The following DCUN1D4 variants were observed in gnomAD, a reference collection of about 807,000 sequenced individuals.
The protein encoded by DCUN1D4 is defective in cullin neddylation 1 domain containing 4, also known as DCN1-like protein 4.
DCUN1D4 carries 22 observed loss-of-function variants against 47.9 expected under a neutral mutation model. The ratio of observed to expected loss-of-function variants is 0.46; its 90% confidence interval spans 0.33 to 0.66. DCUN1D4 has a LOEUF of 0.66. Among genes scored for constraint, DCUN1D4 ranks in the 30% least tolerant of loss-of-function variants. The pLI, the probability that DCUN1D4 is intolerant of heterozygous loss-of-function variation, is 0.02. For synonymous variants in DCUN1D4, 121 were observed against 112.2 expected, an observed-to-expected ratio of 1.08 and a Z score of -0.50; for missense variants, 301 against 340.8, an observed-to-expected ratio of 0.88 and a Z score of 0.92.
chr4:51,846,310 G>A lies in DCUN1D4; in HGVS notation c.25+3043G>A, dbSNP rs931049709. Among the ~76,000 whole-genome samples, 33 of 152,120 alleles carry A rather than the reference G, an allele frequency of 2.2e-4. 1 individual carries two copies. The highest frequency in any genetic ancestry group is 1.8e-3 in the Admixed American group (28 of 15,274). ...TACACGTTATCCAGAATTTTTGACT[G>A]TTTTATATTAAGAAGGATTTTTAGG... On this transcript the variant is annotated intron_variant, in intron 1 of 10. Transcript: ENST00000334635.
In DCUN1D4 at chr4:51,914,438, T is replaced by C. The variant is rs142106847; in HGVS notation, c.*854T>C. On this transcript the variant is annotated 3_prime_UTR_variant, in exon 11 of 11. Transcript: ENST00000334635. ...TTTCTTTGCCACTCTAAGTAAAATTTATTTCACCTCCTCAATGAAAACCTC... is the reference window on the plus strand; with the variant it reads ...TTTCTTTGCCACTCTAAGTAAAATTCATTTCACCTCCTCAATGAAAACCTC... 29 of 152,644 alleles carry C rather than the reference T, an allele frequency of 1.9e-4. No homozygotes were observed. The highest frequency in any genetic ancestry group is 6.5e-4 in the African/African-American group (27 of 41,576). The allele number at this position is 152,644 out of a possible 1,614,324, so 9.5% of individuals were successfully genotyped here. A position where few individuals can be genotyped will look rare whatever the true frequency, so the allele number is the denominator to read the frequency against.
In DCUN1D4 at chr4:51,915,667, T is replaced by G. The variant is rs1165520445; in HGVS notation, c.*2083T>G. ...ATTTAAAGCAAATATAAATCATAGA[T>G]GAAGTTATTTTAAACACTATGTTAG... is the stretch of plus-strand genomic sequence containing the variant. On this transcript the variant is annotated 3_prime_UTR_variant, in exon 11 of 11. Coordinates refer to ENST00000334635, the MANE Select transcript of DCUN1D4 (RefSeq NM_001040402.3). 6.6e-6 allele frequency: 1 copy of G among 152,596 alleles called. No individual in the cohort carries two copies. 9.5% of individuals were successfully genotyped at this position (152,596 alleles called of 1,614,324 possible).
rs1220142390 is a variant in DCUN1D4, at chr4:51,913,402, G to A, written c.823+10G>A. 7 of 1,602,586 alleles carry A rather than the reference G, an allele frequency of 4.4e-6. No individual in the cohort carries two copies. Among genetic ancestry groups the A allele is most frequent in the African/African-American group, 2.7e-5 (2 of 74,744 alleles). On this transcript the variant is annotated intron_variant, in intron 10 of 10. Transcript: ENST00000334635. ...GATGAAGATGGAGCATGTAAGTACT[G>A]CCGCTACCATTCTGCCATTCGTGTA...
In DCUN1D4 at chr4:51,863,685, A is replaced by T; in HGVS notation, c.112A>T (p.Ile38Phe). The T allele has an allele frequency of 6.2e-7, 1 of 1,613,412 alleles. No individual in the cohort carries two copies. The change falls in exon 3 of 11, where the codon ATT becomes TTT. Residue 38 changes from isoleucine (I) to phenylalanine (F), a missense_variant. Ile to Phe is a conservative substitution (Grantham distance 21, BLOSUM62 0). Transcript: ENST00000334635. ...TLNKLNLTEDIGQDDHQTGSL... is the reference protein window; with the variant it reads ...TLNKLNLTEDFGQDDHQTGSL... ...TTTCTTTCAGAACCTAACAGAAGAC[A>T]TTGGCCAAGACGATCACCAAACAGG...
At position 51,891,755 on chromosome 4, in the gene DCUN1D4, A is replaced by C. The variant is rs1190043509; in HGVS notation, c.415-5A>C. On this transcript the variant is annotated splice_region_variant and splice_polypyrimidine_tract_variant and intron_variant, in intron 6 of 10. Transcript: ENST00000334635. Reference sequence around the variant, plus strand: ...TTTTTTTAATTGTGTATTTTTTTTTAACAGGTAGTTATGCTTGTCCTAGCT... The same window carrying C: ...TTTTTTTAATTGTGTATTTTTTTTTCACAGGTAGTTATGCTTGTCCTAGCT... 4 of 1,595,146 alleles carry C rather than the reference A, an allele frequency of 2.5e-6. No individual in the cohort carries two copies. The East Asian group carries it at 9.0e-5, about 36-fold the overall frequency.
chr4:51,865,702 TG>T (rs1577900934), intron 3 of DCUN1D4, among the ~76,000 whole-genome samples: 1 of 152,212 alleles, frequency 6.6e-6, no homozygotes, highest in African/African-American at 2.4e-5. Flanking sequence ...TGGTGCATTT[TG>T]GGGGCTGTTG....
chr4:51,895,559 TAAAAAAAAAAAA>T lies in DCUN1D4; in HGVS notation c.507-3693_507-3682del, dbSNP rs67542268. 9.4e-4 allele frequency among the ~76,000 whole-genome samples: 83 copies of T among 88,510 alleles called. 1 individual carries two copies. In the East Asian group the frequency reaches 0.02, roughly 22 times the overall value. The allele number at this position is 88,510 out of a possible 152,430, so 58.1% of individuals were successfully genotyped here. On this transcript the variant is annotated intron_variant, in intron 7 of 10. Coordinates refer to ENST00000334635, the MANE Select transcript of DCUN1D4 (RefSeq NM_001040402.3). ...TTAAGCTAATTGTGGTGCTTAAACT[TAAAAAAAAAAAA>T]AAAAAAAAAAAAAAAAACAGTGACA...
At chr4:51,891,478 T>C (rs1284669902) in intron 6 of DCUN1D4, among the ~76,000 whole-genome samples, 1 of 152,196 alleles carries the variant, frequency 6.6e-6, no homozygotes, top group Non-Finnish European at 1.5e-5. Flanking sequence ...ACATTTGATA[T>C]TGCCCTCTGG....
intron 1 of DCUN1D4, among the ~76,000 whole-genome samples, chr4:51,854,544 A>G (rs1160756615): frequency 6.6e-6 from 1 of 151,902 alleles, no homozygotes; most frequent in Non-Finnish European, 1.5e-5. Flanking sequence ...TAAAACCCAA[A>G]CTCCTTCAAA....
At position 51,877,810 on chromosome 4, in the gene DCUN1D4, C is replaced by A. The variant is rs775303174; in HGVS notation, c.299C>A (p.Ala100Asp). ...DSTRIKTEEE[A>D]FSSKRCLEWF... ...ACTAGAATAAAGACTGAAGAAGAAG[C>A]CTTTTCAAGTAAAAGGTGCTTGGAA... The change falls in exon 5 of 11, where the codon GCC becomes GAC. Residue 100 changes from alanine to aspartate, a missense_variant. Around this residue, in one of 2 missense-constraint regions of DCUN1D4, gnomAD observed 170 missense variants for 234.5 expected, o/e 0.73. Transcript: ENST00000334635. 6.2e-7 allele frequency: 1 copy of A among 1,612,056 alleles called. No homozygotes were observed.
Position 51,888,951 on chromosome 4 carries a change from A to G in DCUN1D4, c.414+2313A>G, listed in dbSNP as rs535116846. Among the ~76,000 whole-genome samples, 18 of 152,110 alleles carry G rather than the reference A, an allele frequency of 1.2e-4. No individual in the cohort carries two copies. In the East Asian group the frequency reaches 2.7e-3, roughly 23 times the overall value. ...ATGGTGAAACCCCATCTTTAATAAAATACCAAAATTAGCCGGGCGTAGTGA... is the reference window on the plus strand; with the variant it reads ...ATGGTGAAACCCCATCTTTAATAAAGTACCAAAATTAGCCGGGCGTAGTGA... On this transcript the variant is annotated intron_variant, in intron 6 of 10. Transcript: ENST00000334635.
At chr4:51,844,370 C>G in intron 1 of DCUN1D4, 6 of 984,594 alleles carry the variant, frequency 6.1e-6, no homozygotes, top group Non-Finnish European at 7.2e-6. Flanking sequence ...TGGAACTGGC[C>G]GTGGTTCCCC....
chr4:51,880,933 C>G (rs1482850037), intron 5 of DCUN1D4, among the ~76,000 whole-genome samples: 1 of 152,094 alleles, frequency 6.6e-6, no homozygotes, highest in Non-Finnish European at 1.5e-5. Flanking sequence ...TCGAGACTAT[C>G]CTGGCTAACA....
Position 51,911,082 on chromosome 4 carries a change from C to T in DCUN1D4, c.628C>T (p.Arg210Cys), listed in dbSNP as rs146804451. 19 of 1,613,518 alleles carry T rather than the reference C, an allele frequency of 1.2e-5. No individual in the cohort carries two copies. The highest frequency in any genetic ancestry group is 5.3e-5 in the African/African-American group (4 of 74,858). ...GTTTGTTAAACAGGAAAAGGACCAG[C>T]GCAGCCTAGACATAAACACTGCCAA... ...AFDFAREKDQ[R>C]SLDINTAKCM... Residue 210 changes from arginine (R) to cysteine (C), a missense_variant, in exon 9 of 11, where the codon CGC becomes TGC. Arg to Cys is a radical substitution (Grantham distance 180). Coordinates refer to ENST00000334635, the MANE Select transcript of DCUN1D4 (RefSeq NM_001040402.3).
chr4:51,886,105 G>T (rs1040659663), intron 5 of DCUN1D4, among the ~76,000 whole-genome samples: 1 of 152,040 alleles, frequency 6.6e-6, no homozygotes, highest in Non-Finnish European at 1.5e-5. Flanking sequence ...CGGAAAAGGG[G>T]GCCTTACTGT....
intron 1 of DCUN1D4, among the ~76,000 whole-genome samples, chr4:51,849,776 A>G (rs1209924588): frequency 6.6e-6 from 1 of 151,516 alleles, no homozygotes. Context: ...GAGCTAATAC[A>G]TAACTCCTTG....
chr4:51,842,228 C>A (rs1721720047), upstream of DCUN1D4, among the ~76,000 whole-genome samples: 1 of 152,100 alleles, frequency 6.6e-6, no homozygotes, highest in Admixed American at 6.5e-5. Context: ...TTAGATGCCG[C>A]CGGGGGTCTT....
chr4:51,843,680 G>T, intron 1 of DCUN1D4: 1 of 1,244,182 alleles, frequency 8.0e-7, no homozygotes, highest in Non-Finnish European at 1.0e-6. Context: ...GCGAGCGAGC[G>T]GGGCACAAGG....
rs767628479 is a variant in DCUN1D4 at position 51,914,737 on chromosome 4, T to C, written c.*1153T>C. The C allele has an allele frequency of 2.0e-5, 3 of 152,444 alleles. No individual in the cohort carries two copies. Among genetic ancestry groups the C allele is most frequent in the Non-Finnish European group, 4.4e-5 (3 of 67,998 alleles). 9.4% of individuals were successfully genotyped at this position (152,444 alleles called of 1,614,324 possible). On this transcript the variant is annotated 3_prime_UTR_variant, in exon 11 of 11. Transcript: ENST00000334635. ...GGGCCACTTTTCATTACCTGAGTTA[T>C]TTGTACAGAAGGGCAATAGCCATTA... is the stretch of plus-strand genomic sequence containing the variant.
Sources: gnomAD v4.1 joint callset for allele counts (sites outside exome capture counted in the v4.1 genomes callset) on GRCh38, gnomAD v4.1.1 for gene constraint, gnomAD v4.1.1 regional missense constraint, MANE v1.5 for transcripts, NCBI Gene and HGNC (gene_info 2026-07-23, HGNC 2026-07-21) for gene names.